SVOP: variants seen among roughly 807,000 people sequenced by gnomAD.
The protein encoded by SVOP is synaptic vesicle 2-related protein.
SVOP carries 17 observed loss-of-function variants against 69.1 expected under a neutral mutation model. That is an observed-to-expected ratio of 0.25 (90% CI 0.17 to 0.37). The LOEUF (loss-of-function observed/expected upper bound fraction) is 0.37, where lower values mean the gene tolerates loss of function less well. Ranked by LOEUF, SVOP falls within the 10% of genes least tolerant of loss-of-function variation. The pLI, the probability that SVOP is intolerant of heterozygous loss-of-function variation, is 1.00. For synonymous variants in SVOP, 238 were observed against 238.6 expected (o/e 1.00, Z 0.02); for missense variants, 435 against 597.5 (o/e 0.73, Z 2.84).
At chr12:108,992,961 C>A (rs941860530) in intron 1 of SVOP, among the ~76,000 whole-genome samples, 1 of 152,122 alleles carries the variant, frequency 6.6e-6, no homozygotes, top group African/African-American at 2.4e-5. Flanking sequence ...ATCCTAGCTA[C>A]GTGGATGGGC....
At chr12:108,925,727 G>C (rs60632566) in intron 11 of SVOP, among the ~76,000 whole-genome samples, 2,687 of 152,208 alleles carry the variant, frequency 0.018, 99 homozygotes, top group African/African-American at 0.06. Context: ...CCTTTGGCAA[G>C]TAAGGCATGC....
chr12:108,995,830 G>A lies in SVOP; in HGVS notation c.36-12069C>T, dbSNP rs574952093. 2.4e-3 allele frequency among the ~76,000 whole-genome samples: 357 copies of A among 151,884 alleles called. 3 individuals are homozygous for A. The highest frequency in any genetic ancestry group is 8.0e-3 in the African/African-American group (332 of 41,404). On this transcript the variant is annotated intron_variant, in intron 1 of 15. Transcript: ENST00000610966. ...GCAGGACAATCGCTTGAATCTGGGA[G>A]GGGGGAGGTTGCAGTGAGCTGAGAT... is the stretch of plus-strand genomic sequence containing the variant.
chr12:108,912,355 A>T lies in SVOP; in HGVS notation c.*180T>A. On this transcript the variant is annotated 3_prime_UTR_variant, in exon 16 of 16. Coordinates refer to ENST00000610966, the MANE Select transcript of SVOP (RefSeq NM_018711.5). ...AACCCCCTAGAGCAAACATCTCCCC[A>T]TCCCTGGGTGGACCTCAATGAAGAT... 1 of 1,460,368 alleles carries T rather than the reference A, an allele frequency of 6.8e-7. No homozygotes were observed. The highest frequency in any genetic ancestry group is 9.0e-7 in the Non-Finnish European group (1 of 1,112,440). The allele number at this position is 1,460,368 out of a possible 1,614,324, so 90.5% of individuals were successfully genotyped here. A position where few individuals can be genotyped will look rare whatever the true frequency, so the allele number is the denominator to read the frequency against.
intron 11 of SVOP, among the ~76,000 whole-genome samples, chr12:108,933,695 AAAT>A (rs1158330500): frequency 2.0e-5 from 3 of 151,602 alleles, no homozygotes; most frequent in African/African-American, 7.3e-5. Context: ...AAAAATAAAA[AAAT>A]AATAATAATA....
chr12:108,930,804 A>C (rs2039812740), intron 11 of SVOP, among the ~76,000 whole-genome samples: 1 of 152,292 alleles, frequency 6.6e-6, no homozygotes, highest in Middle Eastern at 3.4e-3. Flanking sequence ...TCACACATCC[A>C]GTTAGGTTAC....
chr12:108,940,966 A>G (rs1344568944), intron 7 of SVOP, 57 bp from the exon 8 acceptor site: 1 of 1,508,588 alleles, frequency 6.6e-7, no homozygotes, highest in African/African-American at 1.4e-5. Flanking sequence ...ACAGAGAGGA[A>G]TTATGGGGGC....
At chr12:108,944,677 A>G (rs764989721) in intron 7 of SVOP, among the ~76,000 whole-genome samples, 11 of 152,148 alleles carry the variant, frequency 7.2e-5, no homozygotes, top group Admixed American at 1.3e-4. Context: ...CTGGACCACG[A>G]AAGTTTTAAG....
chr12:108,994,025 G>A (rs749708214), intron 1 of SVOP, among the ~76,000 whole-genome samples: 25 of 152,152 alleles, frequency 1.6e-4, no homozygotes, highest in Admixed American at 3.3e-4. Flanking sequence ...CGCAAGGACC[G>A]TCCACGGCTC....
At chr12:108,929,315 A>G (rs548855496) in intron 11 of SVOP, among the ~76,000 whole-genome samples, 147 of 152,038 alleles carry the variant, frequency 9.7e-4, no homozygotes, top group Non-Finnish European at 1.8e-3. Context: ...TTAGTTAGTT[A>G]GTTAGTTAGC....
chr12:108,993,643 CAAATA>C (rs1413475836), intron 1 of SVOP, among the ~76,000 whole-genome samples: 1 of 152,026 alleles, frequency 6.6e-6, no homozygotes, highest in African/African-American at 2.4e-5. Context: ...AGAAATGCTG[CAAATA>C]AAATAAACTG....
At chr12:108,943,230 A>C (rs2039902902) in intron 7 of SVOP, among the ~76,000 whole-genome samples, 1 of 152,138 alleles carries the variant, frequency 6.6e-6, no homozygotes, top group Admixed American at 6.5e-5. Flanking sequence ...AGTGAATCAC[A>C]GTCGATTTCT....
chr12:108,952,914 C>G (rs2039964333), intron 6 of SVOP, among the ~76,000 whole-genome samples: 1 of 152,010 alleles, frequency 6.6e-6, no homozygotes, highest in African/African-American at 2.4e-5. Context: ...AGTTCTAAGC[C>G]TCAGTTTTCA....
intron 10 of SVOP, among the ~76,000 whole-genome samples, chr12:108,936,023 T>TACACACACACAC (rs144380662): frequency 0.11 from 16,078 of 144,490 alleles, 1,334 homozygotes; most frequent in Admixed American, 0.21. Flanking sequence ...ATAGTATAAA[T>TACACACACACAC]ACACACACAC....
intron 12 of SVOP, among the ~76,000 whole-genome samples, chr12:108,921,514 T>G (rs1057124409): frequency 1.3e-5 from 2 of 151,862 alleles, no homozygotes; most frequent in Non-Finnish European, 2.9e-5. Context: ...TGCCCACTAC[T>G]GTGGGCAACT....
chr12:108,944,136 C>T, intron 7 of SVOP, among the ~76,000 whole-genome samples: 1 of 151,970 alleles, frequency 6.6e-6, no homozygotes, highest in African/African-American at 2.4e-5. Flanking sequence ...ACGCCCCGGC[C>T]TCCCAAAGTA....
At chr12:109,015,900 T>C (rs1291058197) in intron 1 of SVOP, among the ~76,000 whole-genome samples, 1 of 151,990 alleles carries the variant, frequency 6.6e-6, no homozygotes, top group Non-Finnish European at 1.5e-5. Flanking sequence ...TCAACTGAGA[T>C]GGGGGAGGCT....
At chr12:108,985,793 T>A (rs1274234934) in intron 1 of SVOP, among the ~76,000 whole-genome samples, 1 of 152,180 alleles carries the variant, frequency 6.6e-6, no homozygotes, top group East Asian at 1.9e-4. Context: ...AAGAGAAATA[T>A]TTAAGTTCAA....
rs1312042834 is a variant in SVOP at position 108,997,372 on chromosome 12, C to G, written c.36-13611G>C. On this transcript the variant is annotated intron_variant, in intron 1 of 15. Transcript: ENST00000610966. ...CTGAGATCAAACTGCAAGGCGGCAG[C>G]GAGGCTGGGGGAGGGGCGCCCGCCA... Among the ~76,000 whole-genome samples the G allele has an allele frequency of 2.0e-3, 302 of 149,158 alleles. 1 individual carries two copies. Among genetic ancestry groups the G allele is most frequent in the Non-Finnish European group, 3.2e-3 (212 of 66,166 alleles).
At chr12:108,964,422 T>G (rs1038889199) in intron 5 of SVOP, among the ~76,000 whole-genome samples, 2 of 151,798 alleles carry the variant, frequency 1.3e-5, no homozygotes, top group Admixed American at 6.6e-5. Context: ...CAAGGAGTCT[T>G]GAATCAAACA....
Sources: gnomAD v4.1 joint callset for allele counts (sites outside exome capture counted in the v4.1 genomes callset) on GRCh38, gnomAD v4.1.1 for gene constraint, MANE v1.5 for transcripts, NCBI Gene and HGNC (gene_info 2026-07-23, HGNC 2026-07-21) for gene names.